Variants in TJP2 observed in about 807,000 individuals in gnomAD.
TJP2 encodes the protein Friedreich ataxia region gene X104 (tight junction protein ZO-2).
Under a neutral mutation model 133.1 loss-of-function variants are expected in TJP2, and 91 were observed. That is an observed-to-expected ratio of 0.68 (90% CI 0.58 to 0.81). The LOEUF (loss-of-function observed/expected upper bound fraction) is 0.81, where lower values mean the gene tolerates loss of function less well. Among genes scored for constraint, TJP2 ranks in the 40% least tolerant of loss-of-function variants. The probability of loss-of-function intolerance (pLI) is 0.00; values close to 1 mark genes in which losing one functional copy is unlikely to be tolerated. For missense variants in TJP2, 1,541 were observed against 1,565.6 expected, an observed-to-expected ratio of 0.98 and a Z score of 0.26; for synonymous variants, 592 against 583.4, an observed-to-expected ratio of 1.01 and a Z score of -0.21.
chr9:69,159,079 C>T (rs905838994), intron 2 of TJP2, among the ~76,000 whole-genome samples: 3 of 151,608 alleles, frequency 2.0e-5, no homozygotes, highest in Non-Finnish European at 4.4e-5. Flanking sequence ...CTGAGGTGGG[C>T]AGATTGCTTG....
chr9:69,213,431 G>A (rs1828098134), intron 2 of TJP2, among the ~76,000 whole-genome samples: 1 of 152,128 alleles, frequency 6.6e-6, no homozygotes, highest in African/African-American at 2.4e-5. Flanking sequence ...TTTTTCTGCA[G>A]GGTTTCTTCT....
chr9:69,200,872 A>C (rs1826936744), intron 1 of TJP2, among the ~76,000 whole-genome samples: 1 of 152,176 alleles, frequency 6.6e-6, no homozygotes, highest in African/African-American at 2.4e-5. Context: ...AATTCTTCCC[A>C]GTCTGCCATC....
In TJP2 at chr9:69,154,815, A is replaced by T. The variant is rs113114289; in HGVS notation, c.-10+3044A>T. On this transcript the variant is annotated intron_variant, in intron 2 of 5. Coordinates refer to the TJP2 transcript ENST00000423935. ...TTAATAAATAAAAATTAAAAAAAAG[A>T]TGCTAATAGTCTGGTGAAGAGCTTC... Among the ~76,000 whole-genome samples, 285 of 152,162 alleles carry T rather than the reference A, an allele frequency of 1.9e-3. 3 individuals are homozygous for T. Among genetic ancestry groups the T allele is most frequent in the African/African-American group, 6.8e-3 (281 of 41,546 alleles).
chr9:69,215,577 G>A (rs1828305167), intron 2 of TJP2, among the ~76,000 whole-genome samples: 1 of 152,020 alleles, frequency 6.6e-6, no homozygotes, highest in African/African-American at 2.4e-5. Flanking sequence ...GTAAAGACAG[G>A]GTTTTGCCAT....
chr9:69,196,379 G>T (rs1268245875), intron 1 of TJP2, among the ~76,000 whole-genome samples: 1 of 152,116 alleles, frequency 6.6e-6, no homozygotes, highest in Non-Finnish European at 1.5e-5. Context: ...AGCTAAAATT[G>T]AGCATGTACT....
At chr9:69,234,400 T>TTC (rs746671312) in intron 11 of TJP2, 39 bp from the exon 12 acceptor site, 134 of 798,526 alleles carry the variant, frequency 1.7e-4, no homozygotes, top group African/African-American at 1.1e-3. Flanking sequence ...CTTTCTTTCT[T>TTC]TTTTTTTTTT....
chr9:69,237,137 G>T lies in TJP2; in HGVS notation c.2179+1G>T. On this transcript the variant is annotated splice_donor_variant, in intron 14 of 22. Coordinates refer to ENST00000377245, the MANE Select transcript of TJP2 (RefSeq NM_004817.4). LOFTEE classifies it high-confidence loss of function. ...TATGAGAGGGTTTTGCTGCGAGAAG[G>T]TGAGGAAGTCACATGGGGCCTGGAA... is the stretch of plus-strand genomic sequence containing the variant. The T allele has an allele frequency of 6.2e-7, 1 of 1,614,068 alleles. No individual in the cohort carries two copies. Among genetic ancestry groups the T allele is most frequent in the East Asian group, 2.2e-5 (1 of 44,876 alleles).
intron 1 of TJP2, among the ~76,000 whole-genome samples, chr9:69,130,395 G>A (rs548487110): frequency 6.6e-6 from 1 of 152,304 alleles, no homozygotes; most frequent in South Asian, 2.1e-4. Context: ...GTGTAGCGCA[G>A]TGATTCTCAA....
rs1466775899 is a variant in TJP2, at chr9:69,131,654, G to C, written c.-131+9929G>C. 2.6e-5 allele frequency among the ~76,000 whole-genome samples: 4 copies of C among 152,284 alleles called. No individual in the cohort carries two copies. In the East Asian group the frequency reaches 7.7e-4, roughly 29 times the overall value. On this transcript the variant is annotated intron_variant, in intron 1 of 5. Coordinates refer to the TJP2 transcript ENST00000423935. The stretch of plus-strand genomic sequence containing the variant: ...TAATATCAGTGCTTGTAAACCAACT[G>C]CCTGGTGACTTGCTGTATGGTCAGG...
intron 1 of TJP2, among the ~76,000 whole-genome samples, chr9:69,186,503 G>T (rs1159167421): frequency 1.3e-5 from 2 of 152,184 alleles, no homozygotes; most frequent in Admixed American, 6.5e-5. Context: ...ACAGAATTTG[G>T]TTTTATCTCT....
At chr9:69,182,218 A>G (rs1487834486) in intron 1 of TJP2, among the ~76,000 whole-genome samples, 1 of 152,230 alleles carries the variant, frequency 6.6e-6, no homozygotes, top group Admixed American at 6.5e-5. Context: ...CACCTCAGGC[A>G]GAGCACTTTG....
chr9:69,221,465 G>T lies in TJP2; in HGVS notation c.921G>T (p.Gly307=). ...CTAGGGGGCGGCCGGGGCCCATCGG[G>T]GTCCTCCTGATGAAAAGCAGAGCGA... is the stretch of plus-strand genomic sequence containing the variant. ...PEPRGRPGPI[G]VLLMKSRANE... The change falls in exon 5 of 23, where the codon GGG becomes GGT. Residue 307 remains glycine, a synonymous_variant. Transcript: ENST00000377245. 6.3e-7 allele frequency: 1 copy of T among 1,599,582 alleles called. No homozygotes were observed. The highest frequency in any genetic ancestry group is 8.5e-7 in the Non-Finnish European group (1 of 1,172,952).
chr9:69,166,971 G>A (rs1021607870), intron 2 of TJP2, among the ~76,000 whole-genome samples: 2 of 151,440 alleles, frequency 1.3e-5, no homozygotes, highest in Middle Eastern at 3.2e-3. Flanking sequence ...AGTGGCTCAC[G>A]CCCATAATCC....
intron 1 of TJP2, among the ~76,000 whole-genome samples, chr9:69,141,837 C>T (rs531752651): frequency 1.3e-5 from 2 of 152,352 alleles, no homozygotes; most frequent in East Asian, 3.9e-4. Context: ...GATCCACCCA[C>T]CTCGGCCTGC....
Position 69,227,963 on chromosome 9 carries a change from G to C in TJP2, c.1320-18G>C. The C allele has an allele frequency of 6.2e-7, 1 of 1,614,098 alleles. No homozygotes were observed. Among genetic ancestry groups the C allele is most frequent in the Non-Finnish European group, 8.5e-7 (1 of 1,179,996 alleles). ...AACTGTTATCTCTTGAGACATTTAC[G>C]TATGACATGTGATTCAGTTCCAGAG... On this transcript the variant is annotated intron_variant, in intron 8 of 22. Transcript: ENST00000377245.
rs780493380 is a variant in TJP2, at chr9:69,227,841, TTCC to T, written c.1290_1292del (p.Ser432del). 6 of 1,613,962 alleles carry T rather than the reference TTCC, an allele frequency of 3.7e-6. No homozygotes were observed. The highest frequency in any genetic ancestry group is 5.1e-6 in the Non-Finnish European group (6 of 1,179,806). ...ATCAGTATTCTGATTATGATTATCA[TTCC>T]TCAAGTGAGAAGCTGAAGGAAAGGC... On this transcript the variant is annotated inframe_deletion, in exon 8 of 23. Transcript: ENST00000377245.
At chr9:69,184,479 G>C (rs578253710) in intron 1 of TJP2, among the ~76,000 whole-genome samples, 1 of 152,306 alleles carries the variant, frequency 6.6e-6, no homozygotes, top group Non-Finnish European at 1.5e-5. Flanking sequence ...TACTGCTGCT[G>C]TCTGTAGGAA....
intron 2 of TJP2, among the ~76,000 whole-genome samples, chr9:69,163,674 T>C (rs1824205837): frequency 6.6e-6 from 1 of 151,122 alleles, no homozygotes; most frequent in African/African-American, 2.4e-5. Flanking sequence ...GGTTTCACCA[T>C]GTTGCCCAGA....
intron 17 of TJP2, among the ~76,000 whole-genome samples, chr9:69,241,104 A>G (rs184986401): frequency 2.4e-3 from 356 of 147,932 alleles, no homozygotes; most frequent in Non-Finnish European, 3.0e-3. Context: ...TTAAACTGCT[A>G]TCTGTACTTT....
Sources: gnomAD v4.1 joint callset for allele counts (sites outside exome capture counted in the v4.1 genomes callset) on GRCh38, gnomAD v4.1.1 for gene constraint, MANE v1.5 for transcripts, NCBI Gene and HGNC (gene_info 2026-07-23, HGNC 2026-07-21) for gene names.